The following ARHGEF4 variants were observed in gnomAD, a reference collection of about 807,000 sequenced individuals.
The protein encoded by ARHGEF4 is Rho guanine nucleotide exchange factor 4, also known as APC-stimulated guanine nucleotide exchange factor 1.
ARHGEF4 carries 119 observed loss-of-function variants against 162.0 expected under a neutral mutation model. That is an observed-to-expected ratio of 0.73 (90% CI 0.63 to 0.86). ARHGEF4 has a LOEUF of 0.86. Ranked by LOEUF, ARHGEF4 falls within the 40% of genes least tolerant of loss-of-function variation. ARHGEF4 has a pLI of 0.00. For synonymous variants in ARHGEF4, 1,014 were observed against 979.9 expected (o/e 1.03, Z -0.65); for missense variants, 2,488 against 2,456.0 (o/e 1.01, Z -0.28).
chr2:130,937,462 TTC>T (rs1683027843), intron 3 of ARHGEF4, among the ~76,000 whole-genome samples: 3 of 152,152 alleles, frequency 2.0e-5, no homozygotes, highest in Admixed American at 2.0e-4. Flanking sequence ...TTTTAATACT[TTC>T]TCTTTATTGG....
chr2:131,020,259 T>C (rs1424338588), intron 4 of ARHGEF4, among the ~76,000 whole-genome samples: 1 of 151,990 alleles, frequency 6.6e-6, no homozygotes, highest in Non-Finnish European at 1.5e-5. Context: ...TACATATGTA[T>C]ACATGTGCCA....
chr2:130,964,497 CTTG>C (rs1441531600), intron 4 of ARHGEF4, among the ~76,000 whole-genome samples: 1 of 152,252 alleles, frequency 6.6e-6, no homozygotes, highest in East Asian at 1.9e-4. Flanking sequence ...CAGCCGGGAC[CTTG>C]TTGGCCCCCA....
intron 1 of ARHGEF4, among the ~76,000 whole-genome samples, chr2:130,889,203 A>G (rs937155938): frequency 6.6e-6 from 1 of 152,090 alleles, no homozygotes; most frequent in South Asian, 2.1e-4. Flanking sequence ...CAAATTATAC[A>G]GTGAATAAAC....
intron 6 of ARHGEF4, 143 bp from the exon 7 acceptor site, chr2:131,039,873 G>A (rs1436653754): frequency 3.5e-6 from 5 of 1,428,760 alleles, no homozygotes; most frequent in East Asian, 2.6e-5. Flanking sequence ...GGCGTGGTGG[G>A]GGGAGCTGGC....
chr2:130,973,307 A>G (rs1165229797), intron 4 of ARHGEF4, among the ~76,000 whole-genome samples: 2 of 152,176 alleles, frequency 1.3e-5, no homozygotes, highest in East Asian at 3.9e-4. Flanking sequence ...TGGCCAACAC[A>G]GTGAAAGGCT....
At chr2:130,981,019 T>G (rs1686082134) in intron 4 of ARHGEF4, among the ~76,000 whole-genome samples, 1 of 152,200 alleles carries the variant, frequency 6.6e-6, no homozygotes, top group Admixed American at 6.5e-5. Context: ...TCTCACCTAC[T>G]TTTGCCAAAT....
chr2:131,039,126 C>T, intron 6 of ARHGEF4, 94 bp downstream of exon 6: 1 of 1,428,684 alleles, frequency 7.0e-7, no homozygotes, highest in Non-Finnish European at 9.3e-7. Context: ...CTCTGGCATC[C>T]TAGGTGCAGA....
intron 1 of ARHGEF4, among the ~76,000 whole-genome samples, chr2:130,856,195 A>G (rs1018321363): frequency 1.3e-5 from 2 of 152,240 alleles, no homozygotes; most frequent in African/African-American, 2.4e-5. Context: ...GGAAAATATA[A>G]CGACCAAATA....
chr2:130,897,685 C>T (rs550425675), intron 1 of ARHGEF4, among the ~76,000 whole-genome samples: 1 of 152,348 alleles, frequency 6.6e-6, no homozygotes, highest in South Asian at 2.1e-4. Context: ...CATAGAGACA[C>T]ATAAAATACC....
At chr2:130,921,692 C>G (rs1681882267) in intron 2 of ARHGEF4, among the ~76,000 whole-genome samples, 1 of 151,956 alleles carries the variant, frequency 6.6e-6, no homozygotes, top group Non-Finnish European at 1.5e-5. Context: ...GGCTAAGGAA[C>G]TTTTGTTTTT....
chr2:130,866,686 T>C (rs1682300388), intron 1 of ARHGEF4, among the ~76,000 whole-genome samples: 1 of 152,220 alleles, frequency 6.6e-6, no homozygotes. Flanking sequence ...ATTATGTTAA[T>C]TGATTTTTGA....
chr2:130,977,007 G>A (rs1283841103), intron 4 of ARHGEF4, among the ~76,000 whole-genome samples: 1 of 151,816 alleles, frequency 6.6e-6, no homozygotes, highest in Non-Finnish European at 1.5e-5. Context: ...TGTCTGGCAT[G>A]TGTTTGCAGT....
At chr2:130,926,809 G>GTTTTTTTTT (rs1559044315) in intron 2 of ARHGEF4, among the ~76,000 whole-genome samples, 6 of 13,822 alleles carry the variant, frequency 4.3e-4, no homozygotes, top group Non-Finnish European at 1.6e-3. Context: ...ACTTCTGGCT[G>GTTTTTTTTT]ATTTTTTTTT....
At chr2:130,980,619 G>C (rs1443799463) in intron 4 of ARHGEF4, among the ~76,000 whole-genome samples, 1 of 152,128 alleles carries the variant, frequency 6.6e-6, no homozygotes, top group Non-Finnish European at 1.5e-5. Flanking sequence ...ACATTTCTAA[G>C]ATTGGTTTCT....
rs781430023 is a variant in ARHGEF4 at position 130,930,943 on chromosome 2, G to A, written c.3553-9G>A. The stretch of plus-strand genomic sequence containing the variant: ...CTCTGACCCCTGACCCGTTCTCTCT[G>A]CTCTCCAGAACCACATGCCCTGGGA... On this transcript the variant is annotated splice_polypyrimidine_tract_variant and intron_variant, in intron 2 of 13. Coordinates refer to ENST00000409359, the MANE Select transcript of ARHGEF4 (RefSeq NM_001367493.1). 6.3e-7 allele frequency: 1 copy of A among 1,596,350 alleles called. No individual in the cohort carries two copies. Among genetic ancestry groups the A allele is most frequent in the Non-Finnish European group, 8.6e-7 (1 of 1,167,562 alleles).
chr2:131,012,355 G>T (rs1688510150), intron 4 of ARHGEF4, among the ~76,000 whole-genome samples: 1 of 152,176 alleles, frequency 6.6e-6, no homozygotes. Flanking sequence ...TCACTTCTTT[G>T]CCTAGAGCTT....
intron 2 of ARHGEF4, among the ~76,000 whole-genome samples, chr2:130,923,036 T>C (rs1681984516): frequency 6.6e-6 from 1 of 152,020 alleles, no homozygotes; most frequent in African/African-American, 2.4e-5. Context: ...GTTCAAGCAA[T>C]TCTCCTGCCT....
chr2:130,866,289 C>T (rs6710344), intron 1 of ARHGEF4, among the ~76,000 whole-genome samples: 12,423 of 152,138 alleles, frequency 0.082, 974 homozygotes, highest in African/African-American at 0.2. Flanking sequence ...GAGACTGAGG[C>T]AGGAGAATTG....
At chr2:131,020,632 A>T (rs1414194952) in intron 4 of ARHGEF4, among the ~76,000 whole-genome samples, 6 of 152,190 alleles carry the variant, frequency 3.9e-5, no homozygotes, top group Non-Finnish European at 5.9e-5. Flanking sequence ...TGCTATTGTG[A>T]ATAGTGCTGC....
Sources: gnomAD v4.1 joint callset for allele counts (sites outside exome capture counted in the v4.1 genomes callset) on GRCh38, gnomAD v4.1.1 for gene constraint, MANE v1.5 for transcripts, NCBI Gene and HGNC (gene_info 2026-07-23, HGNC 2026-07-21) for gene names.